HOOK3: variants seen among roughly 807,000 people sequenced by gnomAD.
The protein encoded by HOOK3 is protein Hook homolog 3.
In HOOK3, 24 loss-of-function variants were observed where a neutral mutation model predicts 116.3. That is an observed-to-expected ratio of 0.21 (90% CI 0.15 to 0.29). HOOK3 has a LOEUF of 0.29. Ranked by LOEUF, HOOK3 falls within the 10% of genes least tolerant of loss-of-function variation. The pLI is 1.00. For missense variants in HOOK3, 632 were observed against 830.2 expected, an observed-to-expected ratio of 0.76 and a Z score of 2.93; for synonymous variants, 275 against 283.0, an observed-to-expected ratio of 0.97 and a Z score of 0.28.
Position 43,018,432 on chromosome 8 carries a change from G to A in HOOK3, c.2091G>A (p.Arg697=). The A allele has an allele frequency of 6.2e-7, 1 of 1,613,854 alleles. No homozygotes were observed. Among genetic ancestry groups the A allele is most frequent in the Non-Finnish European group, 8.5e-7 (1 of 1,179,942 alleles). ...STGSGQSFLA[R]QRQATSSRRS... ...GCTCAGGGCAGTCATTTCTGGCGAG[G>A]CAGAGGCAAGCGACCAGCAGCAGAA... is the stretch of plus-strand genomic sequence containing the variant. The change falls in exon 22 of 22, where the codon AGG becomes AGA. Residue 697 remains arginine (R), a synonymous_variant. Transcript: ENST00000307602.
intron 8 of HOOK3, among the ~76,000 whole-genome samples, chr8:42,962,197 C>T (rs2130416838): frequency 6.6e-6 from 1 of 152,142 alleles, no homozygotes; most frequent in East Asian, 1.9e-4. Context: ...ATCCTCCCAC[C>T]TCAGCCTTCC....
intron 4 of HOOK3, among the ~76,000 whole-genome samples, chr8:42,936,239 T>C (rs532473042): frequency 1.3e-5 from 2 of 152,358 alleles, no homozygotes; most frequent in East Asian, 3.9e-4. Flanking sequence ...ACATTGATTT[T>C]GTATCCTGAG....
chr8:42,941,073 A>G lies in HOOK3; in HGVS notation c.268-2240A>G, dbSNP rs1383876927. ...GTAATTCTCCTCTCTTGGCCTCCCA[A>G]GTAGCTAGGACCACAGTCTCCTGCC... On this transcript the variant is annotated intron_variant, in intron 4 of 21. Transcript: ENST00000307602. Among the ~76,000 whole-genome samples the G allele has an allele frequency of 2.6e-5, 4 of 151,934 alleles. No individual in the cohort carries two copies. The East Asian group carries it at 5.8e-4, about 22-fold the overall frequency.
At chr8:42,907,641 G>C (rs1324153366) in intron 2 of HOOK3, among the ~76,000 whole-genome samples, 1 of 151,964 alleles carries the variant, frequency 6.6e-6, no homozygotes. Flanking sequence ...TACAGGTGTA[G>C]TTCAATACAT....
chr8:42,914,891 C>T (rs535129430), intron 2 of HOOK3, among the ~76,000 whole-genome samples: 9 of 152,086 alleles, frequency 5.9e-5, no homozygotes, highest in African/African-American at 1.4e-4. Flanking sequence ...TGGAGATGGG[C>T]GGATCACTTG....
At chr8:42,965,681 T>C (rs75908342) in intron 9 of HOOK3, among the ~76,000 whole-genome samples, 2,202 of 152,322 alleles carry the variant, frequency 0.014, 60 homozygotes, top group African/African-American at 0.048. Flanking sequence ...TTTACTTTAC[T>C]GAGTAACTGA....
intron 1 of HOOK3, among the ~76,000 whole-genome samples, chr8:42,901,078 C>G (rs1244198989): frequency 6.6e-6 from 1 of 152,218 alleles, no homozygotes; most frequent in Non-Finnish European, 1.5e-5. Flanking sequence ...ATCCCATTGC[C>G]TCAACCAGCT....
rs1313250611 is a variant in HOOK3, at chr8:43,024,322, C to G, written c.*5824C>G. On this transcript the variant is annotated 3_prime_UTR_variant, in exon 22 of 22. Transcript: ENST00000307602. ...AGCATTGTACTTCTCAACAGTGAAG[C>G]CTGTGTAATACCATACAGTAGGATG... is the stretch of plus-strand genomic sequence containing the variant. 1 of 197,034 alleles carries G rather than the reference C, an allele frequency of 5.1e-6. No homozygotes were observed. Among genetic ancestry groups the G allele is most frequent in the Non-Finnish European group, 1.1e-5 (1 of 95,106 alleles). The allele number at this position is 197,034 out of a possible 1,614,324, so 12.2% of individuals were successfully genotyped here. A position where few individuals can be genotyped will look rare whatever the true frequency, so the allele number is the denominator to read the frequency against.
chr8:42,950,353 T>G (rs1349941587), intron 5 of HOOK3, 35 bp from the exon 6 acceptor site: 1 of 1,398,166 alleles, frequency 7.2e-7, no homozygotes, highest in Non-Finnish European at 1.0e-6. Context: ...ATCTTTAACT[T>G]GAACAGTGAC....
At chr8:42,981,402 G>A (rs771909391) in intron 13 of HOOK3, among the ~76,000 whole-genome samples, 1 of 152,052 alleles carries the variant, frequency 6.6e-6, no homozygotes, top group Non-Finnish European at 1.5e-5. Flanking sequence ...TCTGTTATAA[G>A]CAACAGAAAA....
rs1452875648 is a variant in HOOK3, at chr8:42,899,697, G to C, written c.57+2509G>C. Among the ~76,000 whole-genome samples, 3 of 152,184 alleles carry C rather than the reference G, an allele frequency of 2.0e-5. No individual in the cohort carries two copies. In the East Asian group the frequency reaches 5.8e-4, roughly 29 times the overall value. On this transcript the variant is annotated intron_variant, in intron 1 of 21. Coordinates refer to ENST00000307602, the MANE Select transcript of HOOK3 (RefSeq NM_032410.4). ...TTGATTTTATGTCAGCTTCTAGTCA[G>C]TTTGGTTGTGTGGGGGGTTTTGCTC...
chr8:43,014,976 G>A (rs374211501), intron 21 of HOOK3, among the ~76,000 whole-genome samples: 77 of 149,674 alleles, frequency 5.1e-4, no homozygotes, highest in East Asian at 4.1e-3. Flanking sequence ...GTAAAACCCC[G>A]TCTCTACTAA....
chr8:42,995,461 ACATTCTCTCT>A (rs1809247300), intron 15 of HOOK3, among the ~76,000 whole-genome samples: 1 of 152,048 alleles, frequency 6.6e-6, no homozygotes, highest in Non-Finnish European at 1.5e-5. Context: ...CCCATCTCTT[ACATTCTCTCT>A]CATTCTCTGA....
chr8:42,930,735 T>C (rs1431696369), intron 4 of HOOK3, among the ~76,000 whole-genome samples: 1 of 152,200 alleles, frequency 6.6e-6, no homozygotes, highest in Admixed American at 6.5e-5. Flanking sequence ...AGCACTGATC[T>C]TCCCCATCTC....
In HOOK3 at chr8:42,897,070, C is replaced by T; in HGVS notation, c.-62C>T. 1 of 1,204,978 alleles carries T rather than the reference C, an allele frequency of 8.3e-7. No homozygotes were observed. The highest frequency in any genetic ancestry group is 1.0e-6 in the Non-Finnish European group (1 of 957,506). The allele number at this position is 1,204,978 out of a possible 1,614,324, so 74.6% of individuals were successfully genotyped here. A position where few individuals can be genotyped will look rare whatever the true frequency, so the allele number is the denominator to read the frequency against. ...GTCAGCTGCGCGGGCCCCCGGATCC[C>T]CCGACAGAGCGGCGGCGGTGTCTGG... On this transcript the variant is annotated 5_prime_UTR_variant, in exon 1 of 22. Transcript: ENST00000307602.
At chr8:42,933,204 A>G (rs745571207) in intron 4 of HOOK3, among the ~76,000 whole-genome samples, 9 of 152,244 alleles carry the variant, frequency 5.9e-5, no homozygotes, top group Non-Finnish European at 1.2e-4. Context: ...ATGAAAATAC[A>G]TATTTATAAA....
At chr8:43,006,983 A>G (rs958514546) in intron 17 of HOOK3, among the ~76,000 whole-genome samples, 2 of 150,306 alleles carry the variant, frequency 1.3e-5, no homozygotes, top group Non-Finnish European at 1.5e-5. Flanking sequence ...ATATTGGAAT[A>G]TAACATATAA....
Position 43,023,226 on chromosome 8 carries a change from A to T in HOOK3, c.*4728A>T, listed in dbSNP as rs1809863080. The T allele has an allele frequency of 6.0e-6, 1 of 165,542 alleles. No homozygotes were observed. 10.3% of individuals were successfully genotyped at this position (165,542 alleles called of 1,614,324 possible). On this transcript the variant is annotated 3_prime_UTR_variant, in exon 22 of 22. Coordinates refer to ENST00000307602, the MANE Select transcript of HOOK3 (RefSeq NM_032410.4). ...ATCTCAAAAAAAAAAAAAAAAAAAA[A>T]AAGAAACATCAGCCTGTATATTCCA...
At chr8:42,987,016 G>T (rs545655408) in intron 15 of HOOK3, among the ~76,000 whole-genome samples, 1 of 152,238 alleles carries the variant, frequency 6.6e-6, no homozygotes, top group East Asian at 1.9e-4. Context: ...GCAAAAATTA[G>T]CCAGGCATGG....
Sources: allele counts gnomAD v4.1 joint callset (sites outside exome capture counted in the v4.1 genomes callset), GRCh38; gene constraint gnomAD v4.1.1; transcripts MANE v1.5; gene names NCBI Gene and HGNC (gene_info 2026-07-23, HGNC 2026-07-21).